The following RSPH10B variants were observed in gnomAD, a reference collection of about 807,000 sequenced individuals.
RSPH10B encodes the protein radial spoke head 10 homolog B (Chlamydomonas).
A neutral mutation model predicts 52.5 loss-of-function variants in RSPH10B; 7 were observed. That is an observed-to-expected ratio of 0.13 (90% confidence interval 0.08 to 0.25). RSPH10B has a LOEUF of 0.25. Ranked by LOEUF, RSPH10B falls within the 10% of genes least tolerant of loss-of-function variation. The pLI is 1.00. For missense variants in RSPH10B, 89 were observed against 542.5 expected (o/e 0.16, Z 8.30); for synonymous variants, 28 against 193.2 (o/e 0.14, Z 7.09).
At chr7:5,928,004 C>G in intron 18 of RSPH10B, 192 bp downstream of exon 20, 3 of 713,756 alleles carry the variant, frequency 4.2e-6, no homozygotes, top group Non-Finnish European at 7.1e-6. Context: ...TCCCATTACT[C>G]AGGAAGTTAC....
At chr7:5,941,537 G>A (rs1780186054) in intron 13 of RSPH10B, among the ~76,000 whole-genome samples, 1 of 149,510 alleles carries the variant, frequency 6.7e-6, no homozygotes. Context: ...GAGGTCAAGA[G>A]ATTGAGATCA....
intron 11 of RSPH10B, among the ~76,000 whole-genome samples, chr7:5,944,439 T>C (rs1433668981): frequency 1.3e-5 from 2 of 150,418 alleles, no homozygotes; most frequent in Admixed American, 6.7e-5. Flanking sequence ...TAAAAAAAGA[T>C]ATAAAACCAC....
chr7:5,968,565 G>A (rs1360042131), upstream of RSPH10B, among the ~76,000 whole-genome samples: 1 of 70,046 alleles, frequency 1.4e-5, no homozygotes, highest in Non-Finnish European at 3.1e-5. Context: ...GGAGTGCGGT[G>A]GTGCGATCTT....
At chr7:5,959,860 T>C (rs1480821337) in intron 4 of RSPH10B, among the ~76,000 whole-genome samples, 1 of 2,136 alleles carries the variant, frequency 4.7e-4, no homozygotes, top group African/African-American at 6.0e-3. Flanking sequence ...TACCCTTTGT[T>C]TGATCTACAT....
At chr7:5,941,218 C>A (rs1780164199) in intron 13 of RSPH10B, among the ~76,000 whole-genome samples, 1 of 143,312 alleles carries the variant, frequency 7.0e-6, no homozygotes, top group Non-Finnish European at 1.6e-5. Context: ...GGGAGGATTG[C>A]TTGAACCCGG....
At chr7:5,955,370 T>C (rs1313176355) in intron 7 of RSPH10B, among the ~76,000 whole-genome samples, 1 of 67,752 alleles carries the variant, frequency 1.5e-5, no homozygotes, top group Admixed American at 1.6e-4. Context: ...GGAAATCTCA[T>C]GTGTACTCTA....
At chr7:5,938,413 A>C (rs1430313125) in intron 14 of RSPH10B, among the ~76,000 whole-genome samples, 1 of 118,558 alleles carries the variant, frequency 8.4e-6, no homozygotes, top group East Asian at 2.1e-4. Flanking sequence ...TAAAAAAAAT[A>C]CAAAAAAAAA....
chr7:5,961,340 G>C (rs1223454148), intron 3 of RSPH10B, among the ~76,000 whole-genome samples: 2 of 146,684 alleles, frequency 1.4e-5, no homozygotes, highest in East Asian at 3.9e-4. Context: ...GATTTTATTT[G>C]TTTTTGTTTT....
At chr7:5,968,838 T>C (rs1209790955), upstream of RSPH10B, among the ~76,000 whole-genome samples, 6 of 40,210 alleles carry the variant, frequency 1.5e-4, 1 homozygote, top group Non-Finnish European at 2.4e-4. Flanking sequence ...TTTGGGTTTG[T>C]TTTTTTTTTT....
chr7:5,944,146 C>T (rs1275820622), intron 11 of RSPH10B, among the ~76,000 whole-genome samples, 156 bp from the exon 14 acceptor site: 2 of 151,222 alleles, frequency 1.3e-5, no homozygotes, highest in Non-Finnish European at 2.9e-5. Flanking sequence ...CCTATAATCC[C>T]AGCATTTTGG....
chr7:5,926,889 GGA>G (rs1446377534), intron 18 of RSPH10B, among the ~76,000 whole-genome samples: 1 of 141,576 alleles, frequency 7.1e-6, no homozygotes, highest in East Asian at 2.1e-4. Flanking sequence ...TGAATAGCTG[GGA>G]TTATAGGCTT....
intron 7 of RSPH10B, among the ~76,000 whole-genome samples, chr7:5,955,117 A>T (rs1780707459): frequency 7.1e-6 from 1 of 140,804 alleles, no homozygotes; most frequent in Non-Finnish European, 1.5e-5. Flanking sequence ...GCGAGCCGAG[A>T]TCATGCCACT....
intron 11 of RSPH10B, 52 bp downstream of exon 13, chr7:5,945,012 T>C: frequency 3.9e-6 from 2 of 511,272 alleles, no homozygotes; most frequent in Non-Finnish European, 7.3e-6. Flanking sequence ...ATGACAATAA[T>C]ACAGCTTAGC....
chr7:5,964,271 G>A (rs871041), intron 3 of RSPH10B, among the ~76,000 whole-genome samples: 13,742 of 147,394 alleles, frequency 0.093, 108 homozygotes, highest in South Asian at 0.16. Flanking sequence ...ACATGTACGT[G>A]TGCTCTCTGT....
intron 12 of RSPH10B, 36 bp from the exon 15 acceptor site, chr7:5,943,508 T>A (rs1466534837): frequency 3.1e-6 from 5 of 1,609,718 alleles, no homozygotes; most frequent in Non-Finnish European, 4.2e-6. Context: ...ATTACAGATT[T>A]ATGTTTTGAG....
At chr7:5,961,662 A>AT (rs1402212149) in intron 3 of RSPH10B, among the ~76,000 whole-genome samples, 1 of 30,142 alleles carries the variant, frequency 3.3e-5, no homozygotes, top group South Asian at 8.4e-4. Flanking sequence ...GTTTTTGTGG[A>AT]TTTTTTGTTG....
intron 13 of RSPH10B, among the ~76,000 whole-genome samples, chr7:5,942,403 A>AT (rs949685363): frequency 7.7e-6 from 1 of 129,082 alleles, no homozygotes; most frequent in African/African-American, 2.9e-5. Flanking sequence ...TGATTTTTTT[A>AT]TTTTTTGTAG....
intron 17 of RSPH10B, 135 bp from the exon 20 acceptor site, chr7:5,928,529 A>G: frequency 7.3e-7 from 1 of 1,368,992 alleles, no homozygotes; most frequent in Non-Finnish European, 1.0e-6. Context: ...AGGAGTAAGG[A>G]CGCTGCTTCC....
intron 13 of RSPH10B, 125 bp downstream of exon 15, chr7:5,943,199 T>G: frequency 6.5e-7 from 1 of 1,530,018 alleles, no homozygotes; most frequent in Non-Finnish European, 8.8e-7. Context: ...CATTTAATGG[T>G]CCTGAAAATC....
Sources: gnomAD v4.1 joint callset for allele counts (sites outside exome capture counted in the v4.1 genomes callset) on GRCh38, gnomAD v4.1.1 for gene constraint, MANE v1.5 for transcripts, NCBI Gene and HGNC (gene_info 2026-07-23, HGNC 2026-07-21) for gene names.